The following OASL variants were observed in gnomAD, a reference collection of about 807,000 sequenced individuals.
OASL encodes the protein 2'-5'-oligoadenylate synthetase like.
Under a neutral mutation model 35.3 loss-of-function variants are expected in OASL, and 28 were observed. That is an observed-to-expected ratio of 0.79 (90% CI 0.59 to 1.09). OASL has a LOEUF of 1.09. Ranked by LOEUF, OASL falls within the 50% of genes least tolerant of loss-of-function variation. The pLI, the probability that OASL is intolerant of heterozygous loss-of-function variation, is 0.00. For missense variants in OASL, 620 were observed against 635.2 expected (o/e 0.98, Z 0.26); for synonymous variants, 252 against 254.6 (o/e 0.99, Z 0.10).
Position 121,031,378 on chromosome 12 carries a change from G to A in OASL, c.657+64C>T. Reference sequence around the variant, plus strand: ...TGCAGCTTCCTGAGATGAAAATCAGGCCCTGCCTTTCCTCCTCACCCTCTT... The same window carrying A: ...TGCAGCTTCCTGAGATGAAAATCAGACCCTGCCTTTCCTCCTCACCCTCTT... On this transcript the variant is annotated intron_variant, in intron 3 of 5. Transcript: ENST00000257570. The A allele has an allele frequency of 2.6e-6, 4 of 1,521,100 alleles. No individual in the cohort carries two copies. The South Asian group carries it at 4.6e-5, about 17-fold the overall frequency. The allele number at this position is 1,521,100 out of a possible 1,614,324, so 94.2% of individuals were successfully genotyped here.
chr12:121,018,266 C>T (rs980350719), downstream of OASL, among the ~76,000 whole-genome samples: 4 of 151,992 alleles, frequency 2.6e-5, no homozygotes. Context: ...CAAATGAGGA[C>T]GGGGCAGGGG....
exon 6 of OASL, chr12:121,020,821 T>A (rs755865924): frequency 1.0e-4 from 166 of 1,614,006 alleles, no homozygotes; most frequent in South Asian, 2.1e-4. Context: ...GAGGGGATGG[T>A]CTCCAGCAGA....
exon 5 of OASL, chr12:121,024,073 C>A (rs373280730): frequency 2.5e-6 from 4 of 1,614,138 alleles, no homozygotes; most frequent in Non-Finnish European, 3.4e-6. Flanking sequence ...CTCTGAGCAA[C>A]GATGTCCCAT....
At chr12:121,033,641 G>A (rs748742761) in exon 2 of OASL, 18 of 1,614,024 alleles carry the variant, frequency 1.1e-5, no homozygotes, top group East Asian at 2.2e-5. Context: ...ACATCTTTGT[G>A]ATGCTTGGCT....
chr12:121,033,833 G>T, intron 1 of OASL, 90 bp from the exon 2 acceptor site: 1 of 1,376,616 alleles, frequency 7.3e-7, no homozygotes, highest in Non-Finnish European at 1.0e-6. Context: ...CTCACTGAAT[G>T]CTCACCACCC....
intron 2 of OASL, 124 bp downstream of exon 2, chr12:121,033,337 C>G (rs1293565704): frequency 1.0e-6 from 1 of 962,038 alleles, no homozygotes; most frequent in African/African-American, 1.6e-5. Context: ...CAGCCCCAAG[C>G]ATAGGACACA....
At chr12:121,019,072 T>C (rs905416206), downstream of OASL, 1 of 152,144 alleles carries the variant, frequency 6.6e-6, no homozygotes, top group African/African-American at 2.4e-5. Context: ...CCATCCAGTG[T>C]ATGGTATTTT....
At chr12:121,029,410 T>G (rs1178079106) in intron 3 of OASL, among the ~76,000 whole-genome samples, 3 of 152,220 alleles carry the variant, frequency 2.0e-5, no homozygotes, top group Non-Finnish European at 4.4e-5. Context: ...TTTATAAGGC[T>G]GGGCTCAGTG....
At chr12:121,031,385 C>T (rs2135911506) in intron 3 of OASL, 57 bp downstream of exon 3, 16 of 1,564,470 alleles carry the variant, frequency 1.0e-5, no homozygotes, top group Non-Finnish European at 1.4e-5. Flanking sequence ...CAGGCCCTGC[C>T]TTTCCTCCTC....
At chr12:121,023,499 G>T (rs907382410) in intron 5 of OASL, among the ~76,000 whole-genome samples, 2 of 151,700 alleles carry the variant, frequency 1.3e-5, no homozygotes, top group African/African-American at 4.8e-5. Context: ...CATGTTGGCC[G>T]GGCTGGTCTT....
chr12:121,033,522 G>A lies in OASL; in HGVS notation c.420C>T (p.Ile140=), dbSNP rs61733224. The change falls in exon 2 of 6, where the codon ATC becomes ATT. Residue 140 remains isoleucine, a synonymous_variant. Transcript: ENST00000257570. ...TGGGCTCCGCAGTCCCCCTGGTCTG[G>A]ATGGTGAAGACGAGAGCATCGGGGA... The A allele has an allele frequency of 6.5e-4, 1,055 of 1,614,160 alleles. 9 individuals carry two copies. Among genetic ancestry groups the A allele is most frequent in the Middle Eastern group, 1.3e-3 (8 of 6,062 alleles).
chr12:121,033,838 C>T, intron 1 of OASL, 95 bp from the exon 2 acceptor site: 1 of 1,350,810 alleles, frequency 7.4e-7, no homozygotes, highest in Non-Finnish European at 1.0e-6. Context: ...TGAATGCTCA[C>T]CACCCGCTGA....
At chr12:121,039,023 C>A (rs1263565164) in exon 1 of OASL, 2 of 1,507,152 alleles carry the variant, frequency 1.3e-6, no homozygotes, top group East Asian at 2.3e-5. Flanking sequence ...GGCTCCTACC[C>A]AGCTCCCTGG....
chr12:121,021,733 C>T (rs2259777), intron 5 of OASL, among the ~76,000 whole-genome samples: 65,677 of 151,960 alleles, frequency 0.43, 15,148 homozygotes, highest in East Asian at 0.74. Context: ...ATCTCTTGAA[C>T]ACAGGAGGTG....
chr12:121,017,765 C>G (rs978094331), downstream of OASL, among the ~76,000 whole-genome samples: 1 of 152,102 alleles, frequency 6.6e-6, no homozygotes, highest in Non-Finnish European at 1.5e-5. Context: ...ACTGACTCTC[C>G]AAAATAAAGC....
chr12:121,031,162 AT>A (rs765346799), intron 3 of OASL, among the ~76,000 whole-genome samples: 63 of 152,064 alleles, frequency 4.1e-4, no homozygotes, highest in Non-Finnish European at 8.8e-5. Context: ...TCAAAAAAAA[AT>A]AATAAAATAA....
chr12:121,033,389 TA>T, intron 2 of OASL, 71 bp downstream of exon 2: 1 of 1,503,232 alleles, frequency 6.7e-7, no homozygotes, highest in Non-Finnish European at 9.1e-7. Flanking sequence ...TGGCCATGAG[TA>T]AAGGTGAGAC....
chr12:121,022,367 G>C (rs1001898373), intron 5 of OASL, among the ~76,000 whole-genome samples: 1 of 152,112 alleles, frequency 6.6e-6, no homozygotes, highest in Admixed American at 6.6e-5. Context: ...TTACAGATGT[G>C]AGCCACCGCA....
exon 6 of OASL, chr12:121,020,704 C>G: frequency 6.2e-7 from 1 of 1,614,160 alleles, no homozygotes; most frequent in Non-Finnish European, 8.5e-7. Context: ...TTAGGAAGCC[C>G]CTGCTGGTCT....
Sources: gnomAD v4.1 joint callset for allele counts (sites outside exome capture counted in the v4.1 genomes callset) on GRCh38, gnomAD v4.1.1 for gene constraint, MANE v1.5 for transcripts, NCBI Gene and HGNC (gene_info 2026-07-23, HGNC 2026-07-21) for gene names.